Variants in BCORL1 observed in about 807,000 individuals in gnomAD.
BCORL1 encodes the protein BCL6 corepressor like 1.
BCORL1 carries 7 observed loss-of-function variants against 87.6 expected under a neutral mutation model. The ratio of observed to expected loss-of-function variants is 0.08; its 90% CI spans 0.05 to 0.15. The LOEUF (loss-of-function observed/expected upper bound fraction) is 0.15, where lower values mean the gene tolerates loss of function less well. Ranked by LOEUF, BCORL1 falls within the 10% of genes least tolerant of loss-of-function variation. BCORL1 has a pLI of 1.00. For missense variants in BCORL1, 1,215 were observed against 1,499.7 expected (o/e 0.81, Z 3.13); for synonymous variants, 591 against 634.4 (o/e 0.93, Z 1.03).
chrX:130,051,191 G>A (rs772308733), intron 12 of BCORL1, among the ~76,000 whole-genome samples: 5 of 111,772 alleles, frequency 4.5e-5, no homozygotes, highest in East Asian at 5.7e-4. Context: ...CTGCCCCCAC[G>A]ATGCACACGC....
chrX:130,041,394 C>T (rs776411507), intron 11 of BCORL1, among the ~76,000 whole-genome samples: 100 of 110,459 alleles, frequency 9.1e-4, no homozygotes, highest in East Asian at 3.1e-3. Context: ...TTGTTTTTGG[C>T]GCGATCTTGG....
intron 3 of BCORL1, 33 bp from the exon 4 acceptor site, chrX:130,012,917 G>A: frequency 8.5e-7 from 1 of 1,172,724 alleles, no homozygotes; most frequent in East Asian, 3.0e-5. Flanking sequence ...GCAGGGAGCT[G>A]GCTGAGATGT....
intron 1 of BCORL1, among the ~76,000 whole-genome samples, chrX:130,001,858 G>A (rs1232724394): frequency 9.1e-6 from 1 of 110,438 alleles, no homozygotes; most frequent in East Asian, 2.9e-4. Flanking sequence ...CTTTTGAGGA[G>A]GGAAGGAGTG....
intron 2 of BCORL1, among the ~76,000 whole-genome samples, chrX:130,006,315 C>T (rs1037136144): frequency 2.7e-5 from 3 of 111,024 alleles, no homozygotes; most frequent in African/African-American, 9.8e-5. Context: ...CTTTCATAAC[C>T]CTTGGTCAAA....
At chrX:130,019,259 C>T (rs1399136118) in intron 4 of BCORL1, among the ~76,000 whole-genome samples, 2 of 112,298 alleles carry the variant, frequency 1.8e-5, no homozygotes, top group Admixed American at 9.4e-5. Flanking sequence ...AGCCACCGCG[C>T]CCTGCTAGAT....
At chrX:130,045,577 C>G (rs916957775) in intron 11 of BCORL1, among the ~76,000 whole-genome samples, 3 of 110,693 alleles carry the variant, frequency 2.7e-5, no homozygotes, top group African/African-American at 9.9e-5. Flanking sequence ...AGGCTCTATT[C>G]TTACCATGAG....
At chrX:130,045,714 T>C (rs1931702008) in intron 11 of BCORL1, among the ~76,000 whole-genome samples, 1 of 110,685 alleles carries the variant, frequency 9.0e-6, no homozygotes. Flanking sequence ...ACCTCCCGGG[T>C]TCAAGCAATC....
chrX:130,051,726 A>G, intron 12 of BCORL1, 134 bp from the exon 13 acceptor site: 1 of 577,198 alleles, frequency 1.7e-6, no homozygotes, highest in African/African-American at 2.3e-5. Context: ...CGCATCCCTG[A>G]CTAGGGGCCT....
At chrX:130,034,367 G>A in intron 8 of BCORL1, 88 bp from the exon 9 acceptor site, 1 of 661,590 alleles carries the variant, frequency 1.5e-6, no homozygotes, top group South Asian at 2.4e-5. Context: ...AGGTGAGATG[G>A]CCTTGGCCAC....
rs1295662308 is a variant in BCORL1 at position 130,043,746 on chromosome X, T to TTTTA, written c.4840+4465_4840+4466insTTAT. Among the ~76,000 whole-genome samples, 3 of 17,474 alleles carry TTTTA rather than the reference T, an allele frequency of 1.7e-4. 1 individual carries two copies. Among genetic ancestry groups the TTTTA allele is most frequent in the African/African-American group, 1.2e-3 (3 of 2,444 alleles). The allele number at this position is 17,474 out of a possible 115,157, so 15.2% of individuals were successfully genotyped here. A position where few individuals can be genotyped will look rare whatever the true frequency, so the allele number is the denominator to read the frequency against. On this transcript the variant is annotated intron_variant, in intron 11 of 13. Coordinates refer to ENST00000540052, the MANE Select transcript of BCORL1 (RefSeq NM_001379451.1). Reference sequence around the variant, plus strand: ...CCCGCCACCATGCCCAGCTAATTTGTTATATATATATATATATATATATAT... The same window carrying TTTTA: ...CCCGCCACCATGCCCAGCTAATTTGTTTTATATATATATATATATATATATATAT...
chrX:130,033,524 A>C (rs1930752648), intron 8 of BCORL1, among the ~76,000 whole-genome samples: 1 of 112,607 alleles, frequency 8.9e-6, no homozygotes, highest in Non-Finnish European at 1.9e-5. Context: ...GGGATGGCAG[A>C]GGCAAGGTTC....
chrX:130,013,237 A>C lies in BCORL1; in HGVS notation c.465A>C (p.Ser155=), dbSNP rs1260020797. 2.5e-6 allele frequency: 3 copies of C among 1,211,649 alleles called. No homozygotes were observed. The highest frequency in any genetic ancestry group is 4.3e-5 in the Admixed American group (2 of 46,032). ...AAATGAGCAAACAGGTTGACTGCTC[A>C]CCCGCCGGAGTAAAGGCTTTGGACT... is the stretch of plus-strand genomic sequence containing the variant. ...NTQMSKQVDC[S]PAGVKALDSR... is the part of the protein sequence containing the mutation. Residue 155 remains serine, a synonymous_variant, in exon 4 of 14, where the codon TCA becomes TCC. Coordinates refer to ENST00000540052, the MANE Select transcript of BCORL1 (RefSeq NM_001379451.1).
intron 2 of BCORL1, among the ~76,000 whole-genome samples, chrX:130,006,406 G>C (rs2124409881): frequency 9.4e-6 from 1 of 106,519 alleles, no homozygotes; most frequent in South Asian, 4.3e-4. Context: ...TGTCGCCCAG[G>C]CTGGAGTGCA....
intron 1 of BCORL1, among the ~76,000 whole-genome samples, chrX:129,983,124 C>T (rs1264111136): frequency 4.5e-5 from 5 of 110,951 alleles, no homozygotes; most frequent in Non-Finnish European, 9.5e-5. Context: ...CTCCCTTCCA[C>T]TTCCCACCTT....
intron 7 of BCORL1, among the ~76,000 whole-genome samples, chrX:130,027,625 A>T (rs1417553235): frequency 8.9e-6 from 1 of 112,683 alleles, no homozygotes; most frequent in Non-Finnish European, 1.9e-5. Context: ...GCTCCACCTC[A>T]AGAGCTTGTG....
Position 130,015,738 on chromosome X carries a change from C to G in BCORL1, c.2966C>G (p.Thr989Ser). ...DTKPKNQVLATYMSHELVLAT... is the reference protein window; with the variant it reads ...DTKPKNQVLASYMSHELVLAT... ...AAGCCTAAGAACCAAGTGCTGGCCA[C>G]CTACATGTCCCATGAGCTGGTCCTG... The change falls in exon 4 of 14, where the codon ACC (threonine) becomes AGC (serine). Residue 989 changes from threonine to serine, a missense_variant. Transcript: ENST00000540052. 1 of 1,211,947 alleles carries G rather than the reference C, an allele frequency of 8.3e-7. No homozygotes were observed. The highest frequency in any genetic ancestry group is 1.1e-6 in the Non-Finnish European group (1 of 895,560).
At position 130,013,702 on chromosome X, in the gene BCORL1, A is replaced by G. The variant is rs1929168880; in HGVS notation, c.930A>G (p.Ser310=). 8.3e-7 allele frequency: 1 copy of G among 1,207,444 alleles called. No homozygotes were observed. The highest frequency in any genetic ancestry group is 1.8e-5 in the African/African-American group (1 of 56,973). ...PAPAPLSVPV[S]APPLALIQAP... ...CTGCCCCGCTTTCAGTCCCAGTTTC[A>G]GCTCCTCCCTTGGCTCTCATCCAGG... is the stretch of plus-strand genomic sequence containing the variant. Residue 310 remains serine (S), a synonymous_variant, in exon 4 of 14, where the codon TCA becomes TCG. Transcript: ENST00000540052.
intron 1 of BCORL1, among the ~76,000 whole-genome samples, chrX:130,001,651 G>C (rs1346302030): frequency 9.1e-6 from 1 of 110,456 alleles, no homozygotes; most frequent in Non-Finnish European, 1.9e-5. Flanking sequence ...TCAGGGTGAG[G>C]AGGCAGAAGA....
At chrX:130,019,234 G>A (rs1002672950) in intron 4 of BCORL1, among the ~76,000 whole-genome samples, 4 of 112,291 alleles carry the variant, frequency 3.6e-5, no homozygotes, top group Non-Finnish European at 7.5e-5. Context: ...CCGAGGTGCT[G>A]GGATTACAGG....
Sources: allele counts gnomAD v4.1 joint callset (sites outside exome capture counted in the v4.1 genomes callset), GRCh38; gene constraint gnomAD v4.1.1; transcripts MANE v1.5; gene names NCBI Gene and HGNC (gene_info 2026-07-23, HGNC 2026-07-21).